The following NOX3 variants were observed in gnomAD, a reference collection of about 807,000 sequenced individuals.
The protein encoded by NOX3 is NADPH oxidase 3, also known as NADPH oxidase catalytic subunit-like 3.
In NOX3, 74 loss-of-function variants were observed where a neutral mutation model predicts 76.7. The ratio of observed to expected loss-of-function variants is 0.96; its 90% CI spans 0.80 to 1.17. NOX3 has a LOEUF of 1.17. Among genes scored for constraint, NOX3 ranks in the 50% most tolerant of loss-of-function variants. NOX3 has a pLI of 0.00. For synonymous variants in NOX3, 263 were observed against 261.1 expected (o/e 1.01, Z -0.07); for missense variants, 695 against 703.3 (o/e 0.99, Z 0.13).
At chr6:155,403,228 C>T (rs563416770) in intron 12 of NOX3, among the ~76,000 whole-genome samples, 1 of 152,288 alleles carries the variant, frequency 6.6e-6, no homozygotes, top group East Asian at 1.9e-4. Context: ...AAACATAAAT[C>T]TCCTTTTACA....
At chr6:155,405,767 C>T (rs943023316) in intron 12 of NOX3, among the ~76,000 whole-genome samples, 9 of 152,206 alleles carry the variant, frequency 5.9e-5, no homozygotes, top group Admixed American at 1.3e-4. Flanking sequence ...TCATCACCTC[C>T]TCTGCTGCTC....
chr6:155,431,948 C>T (rs754271684), intron 7 of NOX3, among the ~76,000 whole-genome samples: 11 of 152,126 alleles, frequency 7.2e-5, no homozygotes, highest in East Asian at 1.9e-4. Context: ...TTCTGTCCAG[C>T]GCTAAATTGA....
chr6:155,411,683 C>T (rs1436953939), intron 10 of NOX3, among the ~76,000 whole-genome samples: 3 of 152,304 alleles, frequency 2.0e-5, no homozygotes, highest in Non-Finnish European at 4.4e-5. Flanking sequence ...ACTAGCTGTG[C>T]CTTTCACTGC....
At chr6:155,410,296 A>AGTGTGTGTGTGTGTGTGT (rs142349696) in intron 11 of NOX3, among the ~76,000 whole-genome samples, 74 of 149,456 alleles carry the variant, frequency 5.0e-4, no homozygotes, top group African/African-American at 1.7e-3. Flanking sequence ...CTATAAGGCC[A>AGTGTGTGTGTGTGTGTGT]GTGTGTGTGT....
chr6:155,410,311 G>GTA (rs1776524241), intron 11 of NOX3, among the ~76,000 whole-genome samples: 1 of 152,042 alleles, frequency 6.6e-6, no homozygotes, highest in South Asian at 2.1e-4. Flanking sequence ...GTGTGTGTGT[G>GTA]TGTGTGTGCG....
In NOX3 at chr6:155,436,405, G is replaced by A. The variant is rs1776903717; in HGVS notation, c.798+13C>T. On this transcript the variant is annotated intron_variant, in intron 7 of 13. Coordinates refer to ENST00000159060, the MANE Select transcript of NOX3 (RefSeq NM_015718.3). ...TGACATTTATTTTTAAAAGCTCCTG[G>A]GTTCATTCTTACCGAGGGTTCCTTG... The A allele has an allele frequency of 2.5e-6, 4 of 1,613,800 alleles. No individual in the cohort carries two copies. The highest frequency in any genetic ancestry group is 2.2e-5 in the East Asian group (1 of 44,868).
chr6:155,415,376 T>C (rs1052779938), intron 10 of NOX3, among the ~76,000 whole-genome samples: 1 of 152,244 alleles, frequency 6.6e-6, no homozygotes, highest in Non-Finnish European at 1.5e-5. Context: ...ACTTGTGCCG[T>C]ATCTTGAATA....
chr6:155,428,586 C>CTTTTTTT (rs35328292), intron 9 of NOX3, among the ~76,000 whole-genome samples: 1 of 138,434 alleles, frequency 7.2e-6, no homozygotes, highest in African/African-American at 2.6e-5. Context: ...GTCTTTTTTT[C>CTTTTTTT]TTTTTTTTTT....
chr6:155,401,690 C>G (rs1000766001), intron 12 of NOX3, among the ~76,000 whole-genome samples: 1 of 151,074 alleles, frequency 6.6e-6, no homozygotes, highest in African/African-American at 2.4e-5. Context: ...AAGTTGACAC[C>G]TTTCTTCATC....
Position 155,439,937 on chromosome 6 carries a change from G to GAGC in NOX3, c.668+16_668+18dup. 1 of 1,597,712 alleles carries GAGC rather than the reference G, an allele frequency of 6.3e-7. No individual in the cohort carries two copies. The highest frequency in any genetic ancestry group is 8.5e-7 in the Non-Finnish European group (1 of 1,172,958). ...TCTCAGAGATAAAATCCTTGCAGAG[G>GAGC]AGCGCAGTATGGACTTACCCCGTCC... On this transcript the variant is annotated intron_variant, in intron 6 of 13. Transcript: ENST00000159060.
rs569919857 is a variant in NOX3, at chr6:155,420,022, A to G, written c.1308+2672T>C. Reference sequence around the variant, plus strand: ...TATATATATAGTTATCACATGTTGTATGTGTATATATATATATGTATGAAG... The same window carrying G: ...TATATATATAGTTATCACATGTTGTGTGTGTATATATATATATGTATGAAG... On this transcript the variant is annotated intron_variant, in intron 10 of 13. Coordinates refer to ENST00000159060, the MANE Select transcript of NOX3 (RefSeq NM_015718.3). 1.3e-4 allele frequency among the ~76,000 whole-genome samples: 20 copies of G among 151,298 alleles called. No homozygotes were observed. In the East Asian group the frequency reaches 3.5e-3, roughly 26 times the overall value.
At chr6:155,429,098 A>C in intron 8 of NOX3, 51 bp from the exon 9 acceptor site, 2 of 1,446,530 alleles carry the variant, frequency 1.4e-6, no homozygotes, top group Non-Finnish European at 1.8e-6. Context: ...ATAATAAAGA[A>C]ACACCTTTCA....
chr6:155,444,321 C>A (rs1309819695), intron 4 of NOX3, among the ~76,000 whole-genome samples: 2 of 152,196 alleles, frequency 1.3e-5, no homozygotes, highest in Non-Finnish European at 2.9e-5. Flanking sequence ...CCGCTCTGTC[C>A]CACCTGGGAT....
chr6:155,451,521 A>G (rs181003627), intron 4 of NOX3, among the ~76,000 whole-genome samples: 1 of 152,342 alleles, frequency 6.6e-6, no homozygotes, highest in Admixed American at 6.5e-5. Flanking sequence ...ATGCATTGGT[A>G]TTATTGATAC....
intron 11 of NOX3, 108 bp from the exon 12 acceptor site, chr6:155,407,362 T>C: frequency 9.3e-7 from 1 of 1,080,238 alleles, no homozygotes; most frequent in Non-Finnish European, 1.3e-6. Context: ...TAAAAATGTG[T>C]ACAGGGCTGG....
chr6:155,441,361 A>G (rs1425193053), intron 5 of NOX3, among the ~76,000 whole-genome samples: 1 of 152,242 alleles, frequency 6.6e-6, no homozygotes, highest in African/African-American at 2.4e-5. Flanking sequence ...TGTCTCAAAC[A>G]TTTAAAATAT....
intron 9 of NOX3, among the ~76,000 whole-genome samples, chr6:155,424,915 GT>G (rs1460698461): frequency 1.3e-5 from 2 of 152,166 alleles, no homozygotes; most frequent in African/African-American, 4.8e-5. Flanking sequence ...GAAGAATTTT[GT>G]AAATTAATCC....
At chr6:155,409,596 G>T (rs1052495331) in intron 11 of NOX3, among the ~76,000 whole-genome samples, 2 of 152,074 alleles carry the variant, frequency 1.3e-5, no homozygotes, top group Non-Finnish European at 2.9e-5. Flanking sequence ...TGTCCCTTCT[G>T]TTCTTGTCAT....
At chr6:155,443,057 T>C (rs1013613399) in intron 5 of NOX3, among the ~76,000 whole-genome samples, 4 of 152,174 alleles carry the variant, frequency 2.6e-5, no homozygotes, top group Non-Finnish European at 5.9e-5. Flanking sequence ...ATAAATTAAT[T>C]AGGTGACATA....
Sources: allele counts gnomAD v4.1 joint callset (sites outside exome capture counted in the v4.1 genomes callset), GRCh38; gene constraint gnomAD v4.1.1; transcripts MANE v1.5; gene names NCBI Gene and HGNC (gene_info 2026-07-23, HGNC 2026-07-21).